STX8: variants seen among roughly 807,000 people sequenced by gnomAD.
The protein encoded by STX8 is syntaxin-8.
In STX8, 23 loss-of-function variants were observed where a neutral mutation model predicts 37.5. That is an observed-to-expected ratio of 0.61 (90% CI 0.44 to 0.87). The LOEUF is 0.87. Ranked by LOEUF, STX8 falls within the 40% of genes least tolerant of loss-of-function variation. The pLI is 0.00. For synonymous variants in STX8, 115 were observed against 99.1 expected (o/e 1.16, Z -0.95); for missense variants, 313 against 284.7 (o/e 1.10, Z -0.71).
intron 6 of STX8, among the ~76,000 whole-genome samples, chr17:9,407,298 G>A (rs1912835242): frequency 6.6e-6 from 1 of 152,088 alleles, no homozygotes; most frequent in East Asian, 1.9e-4. Flanking sequence ...CAAAGTGCTG[G>A]GATTAAAGGC....
rs1307450125 is a variant in STX8, at chr17:9,411,995, G to A, written c.542-33342C>T. On this transcript the variant is annotated intron_variant, in intron 6 of 7. Transcript: ENST00000306357. ...ATAGACAAGCTATAAAAGAATACAA[G>A]TACATGGAACTCAAAAGTCTCAAAA... Among the ~76,000 whole-genome samples the A allele has an allele frequency of 2.6e-5, 4 of 152,044 alleles. No homozygotes were observed. The East Asian group carries it at 7.7e-4, about 29-fold the overall frequency.
intron 3 of STX8, among the ~76,000 whole-genome samples, chr17:9,549,478 A>G (rs1274265958): frequency 6.6e-6 from 1 of 152,230 alleles, no homozygotes; most frequent in Non-Finnish European, 1.5e-5. Flanking sequence ...GTTAACAGCC[A>G]TGCTAGGTGA....
rs561816702 is a variant in STX8 at position 9,474,360 on chromosome 17, T to C, written c.541+17469A>G. 3.3e-5 allele frequency among the ~76,000 whole-genome samples: 5 copies of C among 152,296 alleles called. No homozygotes were observed. The South Asian group carries it at 6.2e-4, about 19-fold the overall frequency. ...GTTATCAAATCCTGAAGGGGGGTCA[T>C]GGGAACCCCTCAGTTTTTTTCTTTC... On this transcript the variant is annotated intron_variant, in intron 6 of 7. Transcript: ENST00000306357.
chr17:9,449,661 A>T (rs1272998007), intron 6 of STX8, among the ~76,000 whole-genome samples: 3 of 152,138 alleles, frequency 2.0e-5, no homozygotes. Flanking sequence ...AACAATGTGA[A>T]TAAATCTTAA....
At chr17:9,390,478 C>T (rs763537794) in intron 6 of STX8, among the ~76,000 whole-genome samples, 28 of 150,562 alleles carry the variant, frequency 1.9e-4, no homozygotes, top group Non-Finnish European at 3.1e-4. Context: ...GCTGAGATCG[C>T]GCCATTGCAC....
chr17:9,367,170 T>G (rs1217743532), intron 7 of STX8, among the ~76,000 whole-genome samples: 1 of 144,960 alleles, frequency 6.9e-6, no homozygotes, highest in Non-Finnish European at 1.5e-5. Context: ...TTTGTTTTTT[T>G]TGTTTTTTTT....
At chr17:9,572,737 A>G (rs1907731656) in intron 1 of STX8, among the ~76,000 whole-genome samples, 1 of 150,298 alleles carries the variant, frequency 6.7e-6, no homozygotes, top group African/African-American at 2.5e-5. Flanking sequence ...CCCTTCCCAT[A>G]CTCCTTTCTA....
chr17:9,359,349 A>C (rs2142256841), intron 7 of STX8, among the ~76,000 whole-genome samples: 1 of 152,198 alleles, frequency 6.6e-6, no homozygotes, highest in Middle Eastern at 3.4e-3. Context: ...TCTCTGTGGA[A>C]GTTATCACCT....
At chr17:9,265,712 C>T (rs1907210181) in intron 7 of STX8, among the ~76,000 whole-genome samples, 1 of 152,196 alleles carries the variant, frequency 6.6e-6, no homozygotes, top group African/African-American at 2.4e-5. Context: ...TGCCTGAGCA[C>T]CTGCCAGGCA....
At chr17:9,376,023 A>G (rs2142280313) in intron 7 of STX8, among the ~76,000 whole-genome samples, 1 of 152,292 alleles carries the variant, frequency 6.6e-6, no homozygotes, top group Admixed American at 6.5e-5. Context: ...CATAGTCCAT[A>G]CAACTGAATT....
Position 9,326,698 on chromosome 17 carries a change from C to G in STX8, c.643+51854G>C, listed in dbSNP as rs73267976. 9.1e-3 allele frequency among the ~76,000 whole-genome samples: 1,386 copies of G among 152,272 alleles called. 20 individuals are homozygous for G. Among genetic ancestry groups the G allele is most frequent in the African/African-American group, 0.031 (1,280 of 41,554 alleles). ...ATAAGACACTAGTGCTTATGCATTC[C>G]AACACAGAAGGGACATGGGAGACTG... On this transcript the variant is annotated intron_variant, in intron 7 of 7. Coordinates refer to ENST00000306357, the MANE Select transcript of STX8 (RefSeq NM_004853.3).
intron 6 of STX8, among the ~76,000 whole-genome samples, chr17:9,439,079 C>T (rs77173283): frequency 0.016 from 2,429 of 151,788 alleles, 26 homozygotes; most frequent in Non-Finnish European, 0.028. Context: ...GATTTTTTTT[C>T]AACCATTTAA....
intron 4 of STX8, among the ~76,000 whole-genome samples, chr17:9,510,858 C>T (rs1308010068): frequency 1.3e-5 from 2 of 151,626 alleles, no homozygotes; most frequent in East Asian, 3.8e-4. Context: ...AATTGAGATA[C>T]CATTAGCTAG....
intron 4 of STX8, among the ~76,000 whole-genome samples, chr17:9,509,786 A>T (rs1904965335): frequency 6.6e-6 from 1 of 152,000 alleles, no homozygotes; most frequent in Non-Finnish European, 1.5e-5. Context: ...AATAACCTTG[A>T]ATGTAAGTGA....
chr17:9,323,817 C>G (rs982875916), intron 7 of STX8, among the ~76,000 whole-genome samples: 12 of 152,054 alleles, frequency 7.9e-5, no homozygotes, highest in African/African-American at 2.9e-4. Context: ...GCTGGGCATT[C>G]AAGGAGTTAG....
chr17:9,537,862 CTATT>C, intron 4 of STX8, among the ~76,000 whole-genome samples: 1 of 152,268 alleles, frequency 6.6e-6, no homozygotes, highest in East Asian at 1.9e-4. Context: ...AAAATACAAT[CTATT>C]TTTTTGAACT....
At chr17:9,445,546 G>T (rs1434376507) in intron 6 of STX8, among the ~76,000 whole-genome samples, 1 of 134,032 alleles carries the variant, frequency 7.5e-6, no homozygotes, top group Non-Finnish European at 1.6e-5. Flanking sequence ...CTCACGGAAT[G>T]AAGAGCTTTA....
At chr17:9,276,950 TAA>T (rs1907699049) in intron 7 of STX8, among the ~76,000 whole-genome samples, 1 of 151,798 alleles carries the variant, frequency 6.6e-6, no homozygotes, top group South Asian at 2.1e-4. Flanking sequence ...TTTCTTTTTT[TAA>T]AGAGACGAGA....
intron 6 of STX8, among the ~76,000 whole-genome samples, chr17:9,425,053 G>T (rs1913576923): frequency 6.6e-6 from 1 of 152,180 alleles, no homozygotes; most frequent in Non-Finnish European, 1.5e-5. Flanking sequence ...TGATACTGAT[G>T]AATGACCAGG....
Sources: gnomAD v4.1 joint callset for allele counts (sites outside exome capture counted in the v4.1 genomes callset) on GRCh38, gnomAD v4.1.1 for gene constraint, MANE v1.5 for transcripts, NCBI Gene and HGNC (gene_info 2026-07-23, HGNC 2026-07-21) for gene names.